ZBED6: variants seen among roughly 807,000 people sequenced by gnomAD.
The protein encoded by ZBED6 is zinc finger BED-type containing 6.
A neutral mutation model predicts 58.4 loss-of-function variants in ZBED6; 40 were observed. That is an observed-to-expected ratio of 0.68 (90% confidence interval 0.53 to 0.89). The LOEUF (loss-of-function observed/expected upper bound fraction) is 0.89, where lower values mean the gene tolerates loss of function less well. ZBED6 is among the 40% of genes least tolerant of loss of function. The pLI is 0.00. For synonymous variants in ZBED6, 439 were observed against 350.6 expected (o/e 1.25, Z -2.82); for missense variants, 1,057 against 1,003.9 (o/e 1.05, Z -0.71).
intron 11 of ZBED6, among the ~76,000 whole-genome samples, chr1:203,842,192 C>T (rs1271039132): frequency 4.0e-5 from 6 of 151,290 alleles, no homozygotes; most frequent in Admixed American, 6.6e-5. Context: ...ACTTCCCAGA[C>T]GGGGTGGCGG....
At chr1:203,831,559 C>G (rs1682385352) in intron 7 of ZBED6, 102 bp from the exon 8 acceptor site, 7 of 855,200 alleles carry the variant, frequency 8.2e-6, no homozygotes, top group Non-Finnish European at 1.3e-5. Context: ...GTCATAATAT[C>G]AGTCTGTATT....
chr1:203,842,202 G>T (rs2103287135), intron 11 of ZBED6, among the ~76,000 whole-genome samples: 1 of 152,222 alleles, frequency 6.6e-6, no homozygotes, highest in South Asian at 2.1e-4. Context: ...CGGGGTGGCG[G>T]CCGGGCAGAG....
At chr1:203,843,589 A>G (rs1426102014) in intron 11 of ZBED6, among the ~76,000 whole-genome samples, 2 of 152,220 alleles carry the variant, frequency 1.3e-5, no homozygotes, top group African/African-American at 2.4e-5. Flanking sequence ...CCACTCTGCC[A>G]TTGTAGAATG....
In ZBED6 at chr1:203,840,296, C is replaced by G. The variant is rs1014276901; in HGVS notation, c.*3673-10C>G. On this transcript the variant is annotated splice_polypyrimidine_tract_variant and intron_variant, in intron 10 of 16. Transcript: ENST00000550078. ...CAACTTTTGATTTTTGAAAATCTTT[C>G]TTTTCACAGCTCAAGTTTCCAAGTC... The G allele has an allele frequency of 3.7e-6, 6 of 1,611,414 alleles. 1 individual carries two copies. The highest frequency in any genetic ancestry group is 2.5e-6 in the Non-Finnish European group (3 of 1,178,730).
exon 1 of ZBED6, chr1:203,800,263 A>C (rs1670142463): frequency 2.8e-6 from 3 of 1,062,212 alleles, no homozygotes; most frequent in Non-Finnish European, 4.2e-6. Flanking sequence ...TGTAGTTGGC[A>C]ATCTGAATGT....
chr1:203,802,713 TC>T (rs1401554207), exon 1 of ZBED6: 1 of 63,728 alleles, frequency 1.6e-5, no homozygotes, highest in Non-Finnish European at 4.1e-5. Context: ...TTAAATGAAC[TC>T]TTTTTTTTTG....
chr1:203,848,616 G>C (rs11806103), intron 13 of ZBED6, among the ~76,000 whole-genome samples: 2 of 152,004 alleles, frequency 1.3e-5, no homozygotes, highest in Non-Finnish European at 2.9e-5. Context: ...TGCCGGGCGC[G>C]GTGGCTCACG....
At chr1:203,796,501 G>A (rs985593980) in exon 1 of ZBED6, 4 of 398,868 alleles carry the variant, frequency 1.0e-5, no homozygotes, top group African/African-American at 6.2e-5. Flanking sequence ...TAATCGGTGC[G>A]GATTCCTATG....
At position 203,845,964 on chromosome 1, in the gene ZBED6, G is replaced by A. The variant is rs116609589; in HGVS notation, c.*3742-1220G>A. Among the ~76,000 whole-genome samples, 479 of 151,988 alleles carry A rather than the reference G, an allele frequency of 3.2e-3. 2 individuals carry two copies. The highest frequency in any genetic ancestry group is 0.031 in the Middle Eastern group (9 of 294). On this transcript the variant is annotated intron_variant, in intron 11 of 16. Transcript: ENST00000550078. ...TAGTATACTCAGGAGTTTGGAAAGT[G>A]AGACAGAACACAGTATATTTTAAGA...
At position 203,832,163 on chromosome 1, in the gene ZBED6, AT is replaced by A. The variant is rs1414978853; in HGVS notation, c.*3510+396del. Among the ~76,000 whole-genome samples, 4 of 151,998 alleles carry A rather than the reference AT, an allele frequency of 2.6e-5. No homozygotes were observed. In the East Asian group the frequency reaches 7.7e-4, roughly 29 times the overall value. On this transcript the variant is annotated intron_variant, in intron 8 of 16. Coordinates refer to ENST00000550078, the Ensembl canonical transcript of ZBED6. ...AGCCTCCGTCTTCTGGGTTCAAGCA[AT>A]TTTCGTGTCTCGGCCTCCCAAGTAG...
intron 3 of ZBED6, among the ~76,000 whole-genome samples, chr1:203,821,902 T>C (rs946726659): frequency 8.6e-5 from 13 of 151,858 alleles, no homozygotes; most frequent in East Asian, 1.9e-4. Flanking sequence ...GGATTACAGG[T>C]GCCCGCCACC....
exon 1 of ZBED6, chr1:203,798,454 A>C: frequency 6.5e-7 from 1 of 1,536,118 alleles, no homozygotes; most frequent in Non-Finnish European, 8.7e-7. Context: ...CGACACCTGC[A>C]AGCCACACAT....
At chr1:203,804,492 A>G (rs1671581928) in intron 1 of ZBED6, among the ~76,000 whole-genome samples, 1 of 151,624 alleles carries the variant, frequency 6.6e-6, no homozygotes, top group East Asian at 1.9e-4. Context: ...CTCTTCCTGT[A>G]TATCTTTTTA....
chr1:203,810,442 CAG>C (rs1194821080), intron 1 of ZBED6, among the ~76,000 whole-genome samples: 2 of 132,924 alleles, frequency 1.5e-5, no homozygotes, highest in Admixed American at 7.4e-5. Flanking sequence ...TTTTTTGAGA[CAG>C]AGTCTCACTC....
intron 16 of ZBED6, 82 bp downstream of exon 16, chr1:203,851,206 A>C (rs1039063507): frequency 1.4e-5 from 17 of 1,217,610 alleles, no homozygotes; most frequent in Admixed American, 2.2e-5. Flanking sequence ...CTGATAAATA[A>C]CTTTAGCAAC....
exon 1 of ZBED6, chr1:203,801,489 A>G (rs1042507165): frequency 6.6e-6 from 1 of 152,502 alleles, no homozygotes; most frequent in Non-Finnish European, 1.5e-5. Flanking sequence ...GAGGCCAGAA[A>G]ATGATGACTT....
chr1:203,850,487 C>T (rs1339201237), intron 14 of ZBED6, 28 bp from the exon 15 acceptor site: 1 of 1,613,622 alleles, frequency 6.2e-7, no homozygotes, highest in South Asian at 1.1e-5. Flanking sequence ...ATTCTCACTG[C>T]TTATCAGATA....
At chr1:203,840,523 G>A in intron 11 of ZBED6, 149 bp downstream of exon 11, 1 of 675,472 alleles carries the variant, frequency 1.5e-6, no homozygotes, top group Non-Finnish European at 2.4e-6. Flanking sequence ...GATCAAGTCA[G>A]CTCAGACTCA....
intron 13 of ZBED6, among the ~76,000 whole-genome samples, chr1:203,849,146 A>G (rs532129125): frequency 3.3e-5 from 5 of 152,258 alleles, no homozygotes; most frequent in East Asian, 1.9e-4. Context: ...TGGCCTCCCA[A>G]CGTGTTGGGA....
Sources: gnomAD v4.1 joint callset for allele counts (sites outside exome capture counted in the v4.1 genomes callset) on GRCh38, gnomAD v4.1.1 for gene constraint, MANE v1.5 for transcripts, NCBI Gene and HGNC (gene_info 2026-07-23, HGNC 2026-07-21) for gene names.